The following DDX49 variants were observed in gnomAD, a reference collection of about 807,000 sequenced individuals.
DDX49 encodes probable ATP-dependent RNA helicase DDX49.
A neutral mutation model predicts 56.3 loss-of-function variants in DDX49; 50 were observed. The observed-to-expected ratio is 0.89, with a 90% CI of 0.71 to 1.12. The LOEUF (loss-of-function observed/expected upper bound fraction) is 1.12, where lower values mean the gene tolerates loss of function less well. Among genes scored for constraint, DDX49 ranks in the 50% most tolerant of loss-of-function variants. DDX49 has a pLI of 0.00. For synonymous variants in DDX49, 269 were observed against 270.6 expected, an observed-to-expected ratio of 0.99 and a Z score of 0.06; for missense variants, 614 against 650.5, an observed-to-expected ratio of 0.94 and a Z score of 0.61.
chr19:18,924,741 TA>T (rs777510296), intron 8 of DDX49, 42 bp downstream of exon 8: 692 of 1,613,834 alleles, frequency 4.3e-4, no homozygotes, highest in Non-Finnish European at 5.3e-4. Context: ...CTCCCTCTTT[TA>T]CTACAAGGCC....
At chr19:18,924,801 C>A in intron 8 of DDX49, 81 bp from the exon 9 acceptor site, 1 of 1,612,604 alleles carries the variant, frequency 6.2e-7, no homozygotes, top group Non-Finnish European at 8.5e-7. Flanking sequence ...CCCTAGCATC[C>A]CTGCTGAGTG....
At position 18,928,037 on chromosome 19, in the gene DDX49, G is replaced by T. The variant is rs761621387; in HGVS notation, c.1263+1G>T. ...GAAGCAGCTGATCCTGGAGGGGAAG[G>T]TGAGGGCCGAGCCCGCAGGTAGGGG... On this transcript the variant is annotated splice_donor_variant, in intron 12 of 12. Coordinates refer to ENST00000247003, the MANE Select transcript of DDX49 (RefSeq NM_019070.5). LOFTEE classifies it high-confidence loss of function. 5.6e-6 allele frequency: 9 copies of T among 1,613,646 alleles called. No individual in the cohort carries two copies. The highest frequency in any genetic ancestry group is 7.6e-6 in the Non-Finnish European group (9 of 1,179,952).
intron 2 of DDX49, 50 bp from the exon 3 acceptor site, chr19:18,921,613 G>T: frequency 6.5e-7 from 1 of 1,547,656 alleles, no homozygotes. Context: ...GGAATGGGGG[G>T]CAGGTCCAGA....
chr19:18,927,631 C>T, intron 10 of DDX49, 135 bp from the exon 11 acceptor site: 1 of 696,270 alleles, frequency 1.4e-6, no homozygotes, highest in Non-Finnish European at 2.5e-6. Flanking sequence ...TGATCTTGCT[C>T]AGCTGACCCT....
chr19:18,925,269 A>C, intron 9 of DDX49: 2 of 353,218 alleles, frequency 5.7e-6, no homozygotes, highest in Non-Finnish European at 1.1e-5. Flanking sequence ...AAATAAAATA[A>C]AATAGGCCAG....
At position 18,928,565 on chromosome 19, in the gene DDX49, C is replaced by A; in HGVS notation, c.*249C>A. 1 of 510,342 alleles carries A rather than the reference C, an allele frequency of 2.0e-6. No individual in the cohort carries two copies. The highest frequency in any genetic ancestry group is 3.4e-6 in the Non-Finnish European group (1 of 290,696). 31.6% of individuals were successfully genotyped at this position (510,342 alleles called of 1,614,324 possible). On this transcript the variant is annotated 3_prime_UTR_variant, in exon 13 of 13. Transcript: ENST00000247003. ...TGACCGGGAGGTTGTGACCCCAACC[C>A]AAGGTCACCCCCCAGGGGTGCCGCA... is the stretch of plus-strand genomic sequence containing the variant.
Position 18,922,475 on chromosome 19 carries a change from G to A in DDX49, c.597G>A (p.Leu199=). The A allele has an allele frequency of 6.2e-7, 1 of 1,601,506 alleles. No homozygotes were observed. Among genetic ancestry groups the A allele is most frequent in the Middle Eastern group, 1.7e-4 (1 of 6,052 alleles). Reference sequence around the variant, plus strand: ...ACACACTCCGGGAGCTGCAGGGTCTGGCCACCAACCAGCCCTTCTTCTGGG... The same window carrying A: ...ACACACTCCGGGAGCTGCAGGGTCTAGCCACCAACCAGCCCTTCTTCTGGG... ...LTDTLRELQG[L]ATNQPFFWEA... is the part of the protein sequence containing the mutation. Residue 199 remains leucine, a synonymous_variant, in exon 5 of 13, where the codon CTG becomes CTA. Transcript: ENST00000247003.
intron 8 of DDX49, 60 bp downstream of exon 8, chr19:18,924,759 A>G (rs977268611): frequency 1.4e-5 from 23 of 1,613,558 alleles, no homozygotes; most frequent in Non-Finnish European, 1.9e-5. Context: ...GGCCCCACAG[A>G]TGAGAAGGCT....
Position 18,921,945 on chromosome 19 carries a change from TA to T in DDX49, c.431del (p.Lys144ArgfsTer7). ...CTGCGCAGCTCCAACACTTTTAGTATAAAGAAGATCCGCTTCCTGGTGAGTT... is the reference window on the plus strand; with the variant it reads ...CTGCGCAGCTCCAACACTTTTAGTATAAGAAGATCCGCTTCCTGGTGAGTT... ...DHLRSSNTFS[I>X]KKIRFLVMDE... On this transcript the variant is annotated frameshift_variant, in exon 4 of 13. Coordinates refer to ENST00000247003, the MANE Select transcript of DDX49 (RefSeq NM_019070.5). LOFTEE classifies it high-confidence loss of function. The T allele has an allele frequency of 4.3e-6, 7 of 1,611,730 alleles. No homozygotes were observed. Among genetic ancestry groups the T allele is most frequent in the Non-Finnish European group, 5.1e-6 (6 of 1,178,618 alleles).
intron 6 of DDX49, 93 bp downstream of exon 6, chr19:18,922,837 TCC>T (rs1381958668): frequency 2.7e-6 from 4 of 1,476,812 alleles, no homozygotes; most frequent in Non-Finnish European, 3.7e-6. Context: ...GTCTCAGCAC[TCC>T]CCAGCCTCTG....
rs776927534 is a variant in DDX49, at chr19:18,921,748, G to T, written c.325G>T (p.Asp109Tyr). ...LKDCIIVGGMDMVAQALELSR... is the reference protein window; with the variant it reads ...LKDCIIVGGMYMVAQALELSR... ...AGACTGCATCATCGTCGGTGGCATG[G>T]GTACGGGAGCTGGGAGGCGGGGGAA... is the stretch of plus-strand genomic sequence containing the variant. The change falls in exon 3 of 13, where the codon GAC becomes TAC. Residue 109 changes from aspartate to tyrosine, a missense_variant and splice_region_variant. Asp to Tyr is a radical substitution (Grantham distance 160). Transcript: ENST00000247003. 5 of 1,614,022 alleles carry T rather than the reference G, an allele frequency of 3.1e-6. No homozygotes were observed. In the Admixed American group the frequency reaches 8.3e-5, roughly 27 times the overall value.
At position 18,920,880 on chromosome 19, in the gene DDX49, C is replaced by T; in HGVS notation, c.239+177C>T. 4 of 528,552 alleles carry T rather than the reference C, an allele frequency of 7.6e-6. No individual in the cohort carries two copies. The South Asian group carries it at 1.1e-4, about 15-fold the overall frequency. 32.7% of individuals were successfully genotyped at this position (528,552 alleles called of 1,614,324 possible). On this transcript the variant is annotated intron_variant, in intron 2 of 12. Transcript: ENST00000247003. Reference sequence around the variant, plus strand: ...GATGGCCCCGGTGCAGTGGCTCACACCTGTAATCCCAGCACTTTGGGAGCT... The same window carrying T: ...GATGGCCCCGGTGCAGTGGCTCACATCTGTAATCCCAGCACTTTGGGAGCT...
intron 2 of DDX49, chr19:18,920,953 C>T (rs1272852128): frequency 3.8e-6 from 1 of 260,986 alleles, no homozygotes; most frequent in Non-Finnish European, 7.5e-6. Context: ...CCAGCCTGAC[C>T]AACATGGAGA....
chr19:18,924,912 C>T lies in DDX49; in HGVS notation c.960C>T (p.Val320=). The T allele has an allele frequency of 1.2e-6, 2 of 1,613,140 alleles. No homozygotes were observed. Among genetic ancestry groups the T allele is most frequent in the South Asian group, 1.1e-5 (1 of 91,080 alleles). ...TGGACATCCCTACGGTACAGGTGGTCATCAACCACAACACCCCCGGGCTCC... is the reference window on the plus strand; with the variant it reads ...TGGACATCCCTACGGTACAGGTGGTTATCAACCACAACACCCCCGGGCTCC... The part of the protein sequence containing the change: ...RGLDIPTVQV[V]INHNTPGLPK... Residue 320 remains valine, a synonymous_variant, in exon 9 of 13, where the codon GTC becomes GTT. Coordinates refer to ENST00000247003, the MANE Select transcript of DDX49 (RefSeq NM_019070.5).
intron 10 of DDX49, 93 bp from the exon 11 acceptor site, chr19:18,927,673 C>T: frequency 9.3e-7 from 1 of 1,076,498 alleles, no homozygotes; most frequent in Non-Finnish European, 1.4e-6. Flanking sequence ...GCCTTGCATA[C>T]CCCACAGCAT....
rs375139287 is a variant in DDX49, at chr19:18,926,275, A to G, written c.1028-28A>G. On this transcript the variant is annotated intron_variant, in intron 9 of 12. Coordinates refer to ENST00000247003, the MANE Select transcript of DDX49 (RefSeq NM_019070.5). ...CGCCCCATGTCCTGACGCCCAGCACATAGCAGATAACCGGCACATCCCCAC... is the reference window on the plus strand; with the variant it reads ...CGCCCCATGTCCTGACGCCCAGCACGTAGCAGATAACCGGCACATCCCCAC... 4.5e-6 allele frequency: 7 copies of G among 1,562,022 alleles called. No homozygotes were observed. The African/African-American group carries it at 5.4e-5, about 12-fold the overall frequency.
chr19:18,920,430 G>A (rs2056905056), intron 1 of DDX49, 150 bp from the exon 2 acceptor site: 2 of 706,218 alleles, frequency 2.8e-6, no homozygotes, highest in Non-Finnish European at 4.5e-6. Context: ...GAGTTAGAAC[G>A]AGGTGGTAGG....
intron 6 of DDX49, 110 bp from the exon 7 acceptor site, chr19:18,924,123 C>A (rs2056941094): frequency 9.3e-7 from 1 of 1,079,508 alleles, no homozygotes; most frequent in Non-Finnish European, 1.4e-6. Context: ...CCTCTCCTTT[C>A]TAAGCTGCAT....
rs1160227735 is a variant in DDX49, at chr19:18,920,700, C to G, written c.236C>G (p.Thr79Ser). Residue 79 changes from threonine (T) to serine (S), a missense_variant, in exon 2 of 13, where the codon ACC (threonine) becomes AGC (serine). Physicochemically the swap from Thr to Ser is moderately conservative, Grantham distance 58 (BLOSUM62 1). Coordinates refer to ENST00000247003, the MANE Select transcript of DDX49 (RefSeq NM_019070.5). ...YGIFCLVLTP[T>S]RELAYQIAEQ... ...ATCTTCTGCCTCGTCCTGACACCCA[C>G]CAGGTAAGCCCCCAGCAGGCCTCCT... 1 of 1,594,798 alleles carries G rather than the reference C, an allele frequency of 6.3e-7. No individual in the cohort carries two copies. Among genetic ancestry groups the G allele is most frequent in the African/African-American group, 1.3e-5 (1 of 74,802 alleles).
Sources: allele counts gnomAD v4.1 joint callset, GRCh38; gene constraint gnomAD v4.1.1; transcripts MANE v1.5; gene names NCBI Gene and HGNC (gene_info 2026-07-23, HGNC 2026-07-21).